LMNTD1: variants seen among roughly 807,000 people sequenced by gnomAD.
LMNTD1 encodes lamin tail domain-containing protein 1.
LMNTD1 carries 35 observed loss-of-function variants against 50.9 expected under a neutral mutation model. The ratio of observed to expected loss-of-function variants is 0.69; its 90% CI spans 0.53 to 0.91. LMNTD1 has a LOEUF of 0.91. Among genes scored for constraint, LMNTD1 ranks in the 40% least tolerant of loss-of-function variants. The pLI is 0.00. For missense variants in LMNTD1, 470 were observed against 475.5 expected (o/e 0.99, Z 0.11); for synonymous variants, 153 against 161.9 (o/e 0.94, Z 0.42).
At chr12:25,481,266 C>T (rs1323256262) in intron 9 of LMNTD1, among the ~76,000 whole-genome samples, 1 of 151,982 alleles carries the variant, frequency 6.6e-6, no homozygotes, top group Non-Finnish European at 1.5e-5. Context: ...CATATCACCA[C>T]CTTCCAACAT....
intron 1 of LMNTD1, among the ~76,000 whole-genome samples, chr12:25,608,777 G>A (rs1161067731): frequency 6.6e-6 from 1 of 152,112 alleles, no homozygotes; most frequent in East Asian, 1.9e-4. Context: ...TTCAACCTTG[G>A]TGAATCTAAC....
At chr12:25,648,349 C>G in intron 1 of LMNTD1, 1 of 655,982 alleles carries the variant, frequency 1.5e-6, no homozygotes, top group Non-Finnish European at 2.7e-6. Flanking sequence ...TTAGAAATTT[C>G]ACGTTTATGA....
rs551193956 is a variant in LMNTD1, at chr12:25,614,495, G to T, written c.58+33999C>A. Reference sequence around the variant, plus strand: ...CATCCATGAACTGAGTTCAAGATTAGAGTTTAATCTACCCTCCAAGATACT... The same window carrying T: ...CATCCATGAACTGAGTTCAAGATTATAGTTTAATCTACCCTCCAAGATACT... On this transcript the variant is annotated intron_variant, in intron 1 of 7. Transcript: ENST00000445693. Among the ~76,000 whole-genome samples, 17 of 152,244 alleles carry T rather than the reference G, an allele frequency of 1.1e-4. No individual in the cohort carries two copies. The South Asian group carries it at 3.5e-3, about 32-fold the overall frequency.
chr12:25,514,783 G>T (rs894837997), intron 8 of LMNTD1, among the ~76,000 whole-genome samples: 1 of 152,048 alleles, frequency 6.6e-6, no homozygotes, highest in Admixed American at 6.6e-5. Flanking sequence ...GATAGGGAAA[G>T]ATTTTTTATT....
chr12:25,626,395 A>T (rs1592117689), intron 1 of LMNTD1, among the ~76,000 whole-genome samples: 1 of 152,160 alleles, frequency 6.6e-6, no homozygotes, highest in Admixed American at 6.5e-5. Flanking sequence ...CAATAAAGAC[A>T]TCCTTAAAAG....
At chr12:25,565,565 G>A (rs1777955036) in intron 1 of LMNTD1, among the ~76,000 whole-genome samples, 2 of 152,130 alleles carry the variant, frequency 1.3e-5, no homozygotes, top group Non-Finnish European at 2.9e-5. Context: ...AAAAGTTGTT[G>A]TAGTTATTAT....
chr12:25,481,750 G>C (rs1321587851), intron 9 of LMNTD1, among the ~76,000 whole-genome samples: 3 of 151,010 alleles, frequency 2.0e-5, no homozygotes, highest in Admixed American at 6.6e-5. Context: ...AGGGTATCTT[G>C]TGTGACGGCT....
At chr12:25,600,814 T>C in intron 1 of LMNTD1, among the ~76,000 whole-genome samples, 1 of 151,780 alleles carries the variant, frequency 6.6e-6, no homozygotes, top group East Asian at 1.9e-4. Context: ...GCTGGTGAGG[T>C]TGTGGAGAAA....
intron 1 of LMNTD1, among the ~76,000 whole-genome samples, chr12:25,603,861 G>A (rs887100657): frequency 1.2e-4 from 18 of 152,068 alleles, no homozygotes; most frequent in East Asian, 5.8e-4. Flanking sequence ...TTTGATCACC[G>A]AAAAATGGCA....
chr12:25,547,727 A>T (rs981764797), intron 3 of LMNTD1, among the ~76,000 whole-genome samples: 1 of 151,870 alleles, frequency 6.6e-6, no homozygotes, highest in African/African-American at 2.4e-5. Flanking sequence ...AATATACAGC[A>T]TCTTTCTTAA....
intron 1 of LMNTD1, among the ~76,000 whole-genome samples, chr12:25,602,922 G>A (rs919830633): frequency 4.6e-5 from 7 of 151,924 alleles, no homozygotes; most frequent in African/African-American, 1.7e-4. Flanking sequence ...TACAATGCAC[G>A]TTTCTATAAA....
At chr12:25,521,231 C>T (rs1012646246) in intron 6 of LMNTD1, among the ~76,000 whole-genome samples, 30 of 152,038 alleles carry the variant, frequency 2.0e-4, no homozygotes, top group African/African-American at 7.0e-4. Context: ...ACTCCATGCC[C>T]ACTTTTATTT....
chr12:25,484,410 GTAATA>G (rs1228862423), intron 9 of LMNTD1, among the ~76,000 whole-genome samples: 1 of 151,914 alleles, frequency 6.6e-6, no homozygotes, highest in Admixed American at 6.6e-5. Context: ...AGCATTGTTT[GTAATA>G]AGAAACATTT....
intron 1 of LMNTD1, among the ~76,000 whole-genome samples, chr12:25,628,623 A>T (rs1176259551): frequency 6.6e-6 from 1 of 152,208 alleles, no homozygotes; most frequent in Non-Finnish European, 1.5e-5. Flanking sequence ...GGTGGGCCTG[A>T]CATAATCATA....
At chr12:25,601,567 A>G (rs903058042) in intron 1 of LMNTD1, among the ~76,000 whole-genome samples, 1 of 151,976 alleles carries the variant, frequency 6.6e-6, no homozygotes, top group Non-Finnish European at 1.5e-5. Context: ...AAATCATCTC[A>G]TGTACCCCAC....
At chr12:25,523,742 A>C (rs913767457) in intron 6 of LMNTD1, among the ~76,000 whole-genome samples, 1 of 152,090 alleles carries the variant, frequency 6.6e-6, no homozygotes, top group Non-Finnish European at 1.5e-5. Flanking sequence ...TTTAAGGGAA[A>C]TACTTTCTAG....
Position 25,607,631 on chromosome 12 carries a change from T to A in LMNTD1, c.58+40863A>T, listed in dbSNP as rs577912914. 4.6e-5 allele frequency among the ~76,000 whole-genome samples: 7 copies of A among 152,356 alleles called. No homozygotes were observed. In the East Asian group the frequency reaches 1.2e-3, roughly 25 times the overall value. ...AGGAGCAGATTGTTCAGTTTCCATG[T>A]AGTTGAGCGGTTTTGAGTGAGTTTC... On this transcript the variant is annotated intron_variant, in intron 1 of 7. Coordinates refer to the LMNTD1 transcript ENST00000445693.
At chr12:25,636,399 G>T (rs279002) in intron 1 of LMNTD1, among the ~76,000 whole-genome samples, 29,472 of 152,012 alleles carry the variant, frequency 0.19, 3,511 homozygotes, top group East Asian at 0.49. Flanking sequence ...CATCAGTAAT[G>T]AACAGGGAAA....
intron 1 of LMNTD1, among the ~76,000 whole-genome samples, chr12:25,598,697 A>AG (rs1469860806): frequency 2.0e-5 from 3 of 151,962 alleles, no homozygotes; most frequent in African/African-American, 4.8e-5. Context: ...AATAAAAAAA[A>AG]AATCATGAGT....
Sources: allele counts gnomAD v4.1 joint callset (sites outside exome capture counted in the v4.1 genomes callset), GRCh38; gene constraint gnomAD v4.1.1; transcripts MANE v1.5; gene names NCBI Gene and HGNC (gene_info 2026-07-23, HGNC 2026-07-21).